The following WDR4 variants were observed in gnomAD, a reference collection of about 807,000 sequenced individuals.
WDR4 encodes the protein tRNA (guanine-N(7)-)-methyltransferase non-catalytic subunit WDR4.
WDR4 carries 47 observed loss-of-function variants against 48.6 expected under a neutral mutation model. The ratio of observed to expected loss-of-function variants is 0.97; its 90% CI spans 0.77 to 1.23. The LOEUF is 1.23. Among genes scored for constraint, WDR4 ranks in the 50% most tolerant of loss-of-function variants. WDR4 has a pLI of 0.00. For missense variants in WDR4, 606 were observed against 551.6 expected, an observed-to-expected ratio of 1.10 and a Z score of -0.99; for synonymous variants, 268 against 230.0, an observed-to-expected ratio of 1.17 and a Z score of -1.49.
intron 1 of WDR4, chr21:42,879,052 T>G (rs1170781528): frequency 5.5e-6 from 6 of 1,086,402 alleles, no homozygotes; most frequent in Non-Finnish European, 6.7e-6. Flanking sequence ...CGGGCCTTGC[T>G]GACTGGTCAG....
chr21:42,850,321 A>T, intron 10 of WDR4, 79 bp from the exon 11 acceptor site: 1 of 1,363,626 alleles, frequency 7.3e-7, no homozygotes, highest in Non-Finnish European at 9.9e-7. Flanking sequence ...CCCCTGCAGC[A>T]GGGAGTTACC....
chr21:42,865,299 C>G (rs1449584705), intron 3 of WDR4, among the ~76,000 whole-genome samples: 3 of 152,178 alleles, frequency 2.0e-5, no homozygotes, highest in African/African-American at 7.2e-5. Context: ...AACAAACAGC[C>G]CTGCACTGCA....
chr21:42,850,232 G>A lies in WDR4; in HGVS notation c.1056C>T (p.Gly352=), dbSNP rs149022976. Reference sequence around the variant, plus strand: ...AGAGACTGCTGAAGCTGGCGTCTGCGCCGGCAGAGCCTGTGATGGGGGAAC... The same window carrying A: ...AGAGACTGCTGAAGCTGGCGTCTGCACCGGCAGAGCCTGTGATGGGGGAAC... ...GNWAMLEGSA[G]ADASFSSLYK... is the part of the protein sequence containing the mutation. The change falls in exon 11 of 11, where the codon GGC becomes GGT. Residue 352 remains glycine, a synonymous_variant. Coordinates refer to ENST00000398208, the MANE Select transcript of WDR4 (RefSeq NM_018669.6). 163 of 1,593,040 alleles carry A rather than the reference G, an allele frequency of 1.0e-4. No homozygotes were observed. In the African/African-American group the frequency reaches 1.6e-3, roughly 15 times the overall value.
chr21:42,888,807 T>C, the WDR4 span, among the ~76,000 whole-genome samples: 1 of 151,480 alleles, frequency 6.6e-6, no homozygotes, highest in Non-Finnish European at 1.5e-5. Context: ...TTCAAGCAAT[T>C]CTCCTGCCTC....
At chr21:42,886,145 C>G in the WDR4 span, among the ~76,000 whole-genome samples, 1 of 151,950 alleles carries the variant, frequency 6.6e-6, no homozygotes, top group Non-Finnish European at 1.5e-5. Context: ...TTAGTAGAGA[C>G]AGGGTTTTGC....
At chr21:42,863,660 G>A (rs2058171857) in intron 3 of WDR4, 64 bp from the exon 4 acceptor site, 2 of 1,537,996 alleles carry the variant, frequency 1.3e-6, no homozygotes, top group Admixed American at 1.9e-5. Context: ...CGACAGCCTG[G>A]CAGGCCACGT....
At chr21:42,886,336 A>T in the WDR4 span, among the ~76,000 whole-genome samples, 29,429 of 152,078 alleles carry the variant, frequency 0.19, 4,083 homozygotes, top group African/African-American at 0.4. Flanking sequence ...CTTACAATAA[A>T]ATATTATCAT....
At chr21:42,854,456 C>T (rs2057929754) in intron 8 of WDR4, 106 bp downstream of exon 8, 9 of 1,143,814 alleles carry the variant, frequency 7.9e-6, no homozygotes, top group South Asian at 1.6e-5. Context: ...ATACCACCAC[C>T]GTTCAGGACC....
intron 4 of WDR4, 37 bp downstream of exon 4, chr21:42,863,403 C>A (rs199768263): frequency 6.3e-7 from 1 of 1,591,538 alleles, no homozygotes; most frequent in Non-Finnish European, 8.6e-7. Context: ...GTGTCCCACA[C>A]CTGCCATGTC....
At chr21:42,873,464 C>A in intron 3 of WDR4, 87 bp downstream of exon 3, 1 of 1,551,168 alleles carries the variant, frequency 6.4e-7, no homozygotes, top group Non-Finnish European at 8.8e-7. Flanking sequence ...TCACCCTTAT[C>A]ACCATGTTAT....
chr21:42,855,266 G>A (rs1401605803), intron 7 of WDR4, among the ~76,000 whole-genome samples: 1 of 152,220 alleles, frequency 6.6e-6, no homozygotes, highest in Non-Finnish European at 1.5e-5. Context: ...CAGTTCTCTA[G>A]GAAATGGAAC....
At chr21:42,873,343 A>G (rs1346150049) in intron 3 of WDR4, among the ~76,000 whole-genome samples, 11 of 152,206 alleles carry the variant, frequency 7.2e-5, no homozygotes, top group South Asian at 2.1e-4. Context: ...GTGGGACAGA[A>G]CAGCACCCCT....
chr21:42,880,934 C>CA (rs1555984584), upstream of WDR4, among the ~76,000 whole-genome samples: 9 of 143,200 alleles, frequency 6.3e-5, no homozygotes, highest in Non-Finnish European at 1.4e-4. Context: ...TCCCACTAGT[C>CA]TTTTTTTTTT....
rs749105000 is a variant in WDR4, at chr21:42,879,491, G to T, written c.5C>A (p.Ala2Glu). 8 of 1,613,112 alleles carry T rather than the reference G, an allele frequency of 5.0e-6. 1 individual carries two copies. The highest frequency in any genetic ancestry group is 1.7e-4 in the Middle Eastern group (1 of 6,060). M[A>E]GSVGLALCGQ... The stretch of plus-strand genomic sequence containing the variant: ...GCACAACGCCAGTCCCACAGAGCCC[G>T]CCATGTACCCGCCCGCCTCACCGCC... Residue 2 changes from alanine (A) to glutamate (E), a missense_variant, in exon 1 of 11, where the codon GCG (alanine) becomes GAG (glutamate). Physicochemically the swap from Ala to Glu is moderately radical, Grantham distance 107. Coordinates refer to ENST00000398208, the MANE Select transcript of WDR4 (RefSeq NM_018669.6).
At chr21:42,870,328 G>C (rs8134940) in intron 3 of WDR4, among the ~76,000 whole-genome samples, 91,279 of 151,976 alleles carry the variant, frequency 0.6, 28,171 homozygotes, top group African/African-American at 0.71. Context: ...TCCAGCCTGG[G>C]TGACAGAGCG....
chr21:42,853,357 G>A (rs1402189808), intron 9 of WDR4, among the ~76,000 whole-genome samples: 4 of 152,228 alleles, frequency 2.6e-5, no homozygotes, highest in African/African-American at 9.6e-5. Context: ...ATCACCACAT[G>A]GGACAAGCCA....
intron 5 of WDR4, among the ~76,000 whole-genome samples, chr21:42,861,082 C>T (rs912709927): frequency 4.6e-5 from 7 of 152,144 alleles, no homozygotes; most frequent in East Asian, 3.9e-4. Flanking sequence ...GAGGCCGAGG[C>T]GGGCGAATCA....
rs1182791778 is a variant in WDR4 at position 42,855,675 on chromosome 21, CAGCTACCTG to C, written c.724_726+6del. 1.7e-5 allele frequency: 27 copies of C among 1,545,442 alleles called. No individual in the cohort carries two copies. The highest frequency in any genetic ancestry group is 2.3e-5 in the Non-Finnish European group (26 of 1,142,388). On this transcript the variant is annotated splice_donor_variant and splice_donor_5th_base_variant and coding_sequence_variant and intron_variant, in exon 7 of 11. Coordinates refer to ENST00000398208, the MANE Select transcript of WDR4 (RefSeq NM_018669.6). LOFTEE classifies it high-confidence loss of function. The stretch of plus-strand genomic sequence containing the variant: ...TCAGTCGCCCAGGAGTGAACAGAAG[CAGCTACCTG>C]GGGGGCCTGGGGGTCCACCAGCTCC...
At chr21:42,874,417 G>A (rs1457292120) in intron 2 of WDR4, among the ~76,000 whole-genome samples, 1 of 152,146 alleles carries the variant, frequency 6.6e-6, no homozygotes, top group Non-Finnish European at 1.5e-5. Flanking sequence ...TGAAATCTGG[G>A]CACCTTGAAA....
Sources: gnomAD v4.1 joint callset for allele counts (sites outside exome capture counted in the v4.1 genomes callset) on GRCh38, gnomAD v4.1.1 for gene constraint, MANE v1.5 for transcripts, NCBI Gene and HGNC (gene_info 2026-07-23, HGNC 2026-07-21) for gene names.